Variants in ADSS1 observed in about 807,000 individuals in gnomAD.
ADSS1 encodes adenylosuccinate synthetase isozyme 1.
Under a neutral mutation model 59.1 loss-of-function variants are expected in ADSS1, and 57 were observed. That is an observed-to-expected ratio of 0.97 (90% CI 0.78 to 1.20). The LOEUF is 1.20. ADSS1 is among the 50% of genes most tolerant of loss of function. ADSS1 has a pLI of 0.00. For synonymous variants in ADSS1, 247 were observed against 249.4 expected (o/e 0.99, Z 0.09); for missense variants, 603 against 610.3 (o/e 0.99, Z 0.13).
At chr14:104,743,261 A>G (rs1240394837) in intron 10 of ADSS1, 70 bp downstream of exon 10, 24 of 1,583,942 alleles carry the variant, frequency 1.5e-5, no homozygotes, top group Non-Finnish European at 1.9e-5. Context: ...GGCAAGCAGC[A>G]CTTGACGCAG....
In ADSS1 at chr14:104,740,771, T is replaced by C. The variant is rs1262632943; in HGVS notation, c.584+63T>C. On this transcript the variant is annotated intron_variant, in intron 6 of 12. Transcript: ENST00000330877. The surrounding 1 kb of genome is among the most constrained non-coding windows in gnomAD (Gnocchi z 4.8). ...AGAAGTTGCCGGAAGGGACTGTGGCTAGTGGGGAGGGCCCTGAGGACCAGC... is the reference window on the plus strand; with the variant it reads ...AGAAGTTGCCGGAAGGGACTGTGGCCAGTGGGGAGGGCCCTGAGGACCAGC... 1 of 1,612,284 alleles carries C rather than the reference T, an allele frequency of 6.2e-7. No individual in the cohort carries two copies. The highest frequency in any genetic ancestry group is 8.5e-7 in the Non-Finnish European group (1 of 1,178,702).
intron 1 of ADSS1, among the ~76,000 whole-genome samples, chr14:104,733,086 C>T (rs1203774022): frequency 6.6e-6 from 1 of 152,174 alleles, no homozygotes; most frequent in Non-Finnish European, 1.5e-5. Context: ...ACCCTCCACC[C>T]CCACCCTGCC....
At position 104,724,528 on chromosome 14, in the gene ADSS1, G is replaced by T. The variant is rs551402019; in HGVS notation, c.192+66G>T. On this transcript the variant is annotated intron_variant, in intron 1 of 12. Transcript: ENST00000330877. Reference sequence around the variant, plus strand: ...GAGCCCCCCTCCCCCGACCCAGACGGCCCCTGTCCTCCCATGCCCTGGCCG... The same window carrying T: ...GAGCCCCCCTCCCCCGACCCAGACGTCCCCTGTCCTCCCATGCCCTGGCCG... 75 of 1,196,416 alleles carry T rather than the reference G, an allele frequency of 6.3e-5. 2 individuals are homozygous for T. In the East Asian group the frequency reaches 2.2e-3, roughly 35 times the overall value. The allele number at this position is 1,196,416 out of a possible 1,614,324, so 74.1% of individuals were successfully genotyped here.
chr14:104,742,965 G>A (rs1891424991), intron 9 of ADSS1, 102 bp from the exon 10 acceptor site: 1 of 1,549,788 alleles, frequency 6.5e-7, no homozygotes, highest in Admixed American at 1.7e-5. Flanking sequence ...GGCACCCTCA[G>A]GGATTCTGAG....
At chr14:104,733,158 C>G (rs890313500) in intron 1 of ADSS1, among the ~76,000 whole-genome samples, 4 of 152,294 alleles carry the variant, frequency 2.6e-5, no homozygotes, top group African/African-American at 7.2e-5. Flanking sequence ...ACCCTCCCTC[C>G]TGCCACCAGG....
At chr14:104,730,489 C>G (rs928800668) in intron 1 of ADSS1, among the ~76,000 whole-genome samples, 1 of 150,796 alleles carries the variant, frequency 6.6e-6, no homozygotes, top group Non-Finnish European at 1.5e-5. Flanking sequence ...GACCCTGTCT[C>G]AAAAAAAAAT....
chr14:104,730,823 AGCTGT>A (rs1281637310), intron 1 of ADSS1, among the ~76,000 whole-genome samples: 2 of 151,828 alleles, frequency 1.3e-5, no homozygotes, highest in Non-Finnish European at 2.9e-5. Flanking sequence ...CAGGGGTCAG[AGCTGT>A]GTTTGGTTCC....
At chr14:104,742,266 C>G (rs369648704) in intron 9 of ADSS1, among the ~76,000 whole-genome samples, 1 of 152,274 alleles carries the variant, frequency 6.6e-6, no homozygotes, top group Non-Finnish European at 1.5e-5. Flanking sequence ...TCGTTCCCCT[C>G]GGAGTGTGTG....
intron 1 of ADSS1, among the ~76,000 whole-genome samples, chr14:104,725,021 T>G (rs981599832): frequency 6.6e-6 from 1 of 151,992 alleles, no homozygotes; most frequent in Non-Finnish European, 1.5e-5. Flanking sequence ...CAGGCCGTCC[T>G]GGGGGGCAAT....
chr14:104,729,354 G>A (rs1215883091), intron 1 of ADSS1, among the ~76,000 whole-genome samples: 2 of 152,182 alleles, frequency 1.3e-5, no homozygotes, highest in African/African-American at 4.8e-5. Flanking sequence ...GGGCAAGGCT[G>A]GGACCCGCAC....
At chr14:104,725,908 G>A (rs538841535) in intron 1 of ADSS1, among the ~76,000 whole-genome samples, 2 of 152,358 alleles carry the variant, frequency 1.3e-5, no homozygotes, top group South Asian at 2.1e-4. Context: ...CACAGGTGCT[G>A]TACACAGCAT....
At chr14:104,739,198 C>T (rs1891239639) in intron 3 of ADSS1, 130 bp from the exon 4 acceptor site, 5 of 898,018 alleles carry the variant, frequency 5.6e-6, no homozygotes, top group Middle Eastern at 3.3e-4. Flanking sequence ...ACAGAGGTGG[C>T]CCTGTCAGCC....
In ADSS1 at chr14:104,724,261, C is replaced by G. The variant is rs1268586598; in HGVS notation, c.-10C>G. 3 of 1,227,014 alleles carry G rather than the reference C, an allele frequency of 2.4e-6. No individual in the cohort carries two copies. Among genetic ancestry groups the G allele is most frequent in the East Asian group, 3.2e-5 (1 of 31,188 alleles). 76.0% of individuals were successfully genotyped at this position (1,227,014 alleles called of 1,614,324 possible). A position where few individuals can be genotyped will look rare whatever the true frequency, so the allele number is the denominator to read the frequency against. Reference sequence around the variant, plus strand: ...TGGCCGGGCCAGCGCAGCGGAAGAGCCAAGCCAGCATGTCGGGGACCCGAG... The same window carrying G: ...TGGCCGGGCCAGCGCAGCGGAAGAGGCAAGCCAGCATGTCGGGGACCCGAG... On this transcript the variant is annotated 5_prime_UTR_variant, in exon 1 of 13. Coordinates refer to ENST00000330877, the MANE Select transcript of ADSS1 (RefSeq NM_152328.5).
chr14:104,735,109 C>T lies in ADSS1; in HGVS notation c.282C>T (p.Ala94=), dbSNP rs747307365. Residue 94 remains alanine (A), a synonymous_variant, in exon 2 of 13, where the codon GCC becomes GCT. Coordinates refer to ENST00000330877, the MANE Select transcript of ADSS1 (RefSeq NM_152328.5). ...LLPSGIINTK[A]VSFIGNGVVI... is the part of the protein sequence containing the mutation. Reference sequence around the variant, plus strand: ...CCAGCGGCATCATCAACACCAAGGCCGTGTCCTTCATTGGTGAGTGCCCTG... The same window carrying T: ...CCAGCGGCATCATCAACACCAAGGCTGTGTCCTTCATTGGTGAGTGCCCTG... The T allele has an allele frequency of 6.8e-6, 11 of 1,610,720 alleles. No homozygotes were observed. The highest frequency in any genetic ancestry group is 1.7e-4 in the Middle Eastern group (1 of 6,054).
intron 11 of ADSS1, chr14:104,745,310 A>G (rs1273208346): frequency 6.1e-6 from 1 of 165,230 alleles, no homozygotes; most frequent in Non-Finnish European, 1.3e-5. Context: ...CAGGATGACT[A>G]TTTCATCTGA....
At chr14:104,726,970 T>C (rs962848804) in intron 1 of ADSS1, among the ~76,000 whole-genome samples, 1 of 152,140 alleles carries the variant, frequency 6.6e-6, no homozygotes, top group African/African-American at 2.4e-5. Context: ...ACCCAGGCTC[T>C]GGCTCTGCCT....
rs1464508854 is a variant in ADSS1, at chr14:104,743,782, T to C, written c.1073+591T>C. ...TAACCAGACCCCTGCTAGGTGGGTA[T>C]AGAGCTAATCCGGCAACGGGAAGCA... is the stretch of plus-strand genomic sequence containing the variant. On this transcript the variant is annotated intron_variant, in intron 10 of 12. Coordinates refer to ENST00000330877, the MANE Select transcript of ADSS1 (RefSeq NM_152328.5). 3.9e-5 allele frequency among the ~76,000 whole-genome samples: 6 copies of C among 152,228 alleles called. 1 individual carries two copies. Among genetic ancestry groups the C allele is most frequent in the Admixed American group, 2.6e-4 (4 of 15,288 alleles).
At chr14:104,743,256 G>A in intron 10 of ADSS1, 65 bp downstream of exon 10, 2 of 1,589,070 alleles carry the variant, frequency 1.3e-6, no homozygotes, top group Non-Finnish European at 1.7e-6. Flanking sequence ...GCAGAGGCAA[G>A]CAGCACTTGA....
chr14:104,733,394 G>A (rs1891001730), intron 1 of ADSS1, among the ~76,000 whole-genome samples: 1 of 152,188 alleles, frequency 6.6e-6, no homozygotes, highest in Admixed American at 6.5e-5. Context: ...AGGAGGGTGA[G>A]CCCCCTGCCT....
Sources: allele counts gnomAD v4.1 joint callset (sites outside exome capture counted in the v4.1 genomes callset), GRCh38; gene constraint gnomAD v4.1.1; non-coding constraint Gnocchi (gnomAD v3.1); transcripts MANE v1.5; gene names NCBI Gene and HGNC (gene_info 2026-07-23, HGNC 2026-07-21).